The following AASS variants were observed in gnomAD, a reference collection of about 807,000 sequenced individuals.
AASS encodes aminoadipate-semialdehyde synthase, also known as alpha-aminoadipic semialdehyde synthase, mitochondrial.
AASS carries 86 observed loss-of-function variants against 105.4 expected under a neutral mutation model. The ratio of observed to expected loss-of-function variants is 0.82; its 90% confidence interval spans 0.69 to 0.98. AASS has a LOEUF of 0.98. AASS is among the 50% of genes least tolerant of loss of function. AASS has a pLI of 0.00. For missense variants in AASS, 1,048 were observed against 1,143.2 expected (o/e 0.92, Z 1.20); for synonymous variants, 381 against 394.8 (o/e 0.96, Z 0.41).
intron 11 of AASS, among the ~76,000 whole-genome samples, chr7:122,112,808 A>T (rs1376339260): frequency 6.6e-6 from 1 of 152,212 alleles, no homozygotes; most frequent in Admixed American, 6.5e-5. Context: ...ATGAACTGAC[A>T]TAGATGGCAA....
chr7:122,077,897 G>A lies in AASS; in HGVS notation c.2603C>T (p.Ser868Leu). Residue 868 changes from serine (S) to leucine (L), a missense_variant, in exon 23 of 24, where the codon TCA becomes TTA. Coordinates refer to ENST00000417368, the MANE Select transcript of AASS (RefSeq NM_005763.4). ...TAACCCCACGGTTTTAGCCATGGCT[G>A]AAAAGCCATTGATGTCCCCATAAGC... The part of the protein sequence containing the change: ...LVAYGDINGF[S>L]AMAKTVGLPT... The A allele has an allele frequency of 1.2e-6, 2 of 1,614,158 alleles. No homozygotes were observed. Among genetic ancestry groups the A allele is most frequent in the African/African-American group, 1.3e-5 (1 of 75,040 alleles).
At chr7:122,086,606 T>C (rs1051787889) in intron 18 of AASS, among the ~76,000 whole-genome samples, 1 of 151,764 alleles carries the variant, frequency 6.6e-6, no homozygotes, top group African/African-American at 2.4e-5. Flanking sequence ...AATTATTTTA[T>C]ATAAAAATGT....
chr7:122,112,665 T>C (rs996091379), intron 11 of AASS, among the ~76,000 whole-genome samples: 3 of 152,144 alleles, frequency 2.0e-5, no homozygotes, highest in Non-Finnish European at 2.9e-5. Context: ...AGCTAATCAA[T>C]GATCACAGAA....
Position 122,102,574 on chromosome 7 carries a change from T to A in AASS, c.1279-894A>T, listed in dbSNP as rs60926100. Among the ~76,000 whole-genome samples the A allele has an allele frequency of 4.1e-3, 627 of 152,082 alleles. 7 individuals carry two copies. Among genetic ancestry groups the A allele is most frequent in the African/African-American group, 0.014 (597 of 41,544 alleles). On this transcript the variant is annotated intron_variant, in intron 11 of 23. Coordinates refer to ENST00000417368, the MANE Select transcript of AASS (RefSeq NM_005763.4). ...GAAAAATGTTCCTAGAAGGTGCTGG[T>A]AACAGAGAATTTATTTACTGTATTA...
At chr7:122,114,672 C>T (rs1417125913) in intron 9 of AASS, among the ~76,000 whole-genome samples, 1 of 152,124 alleles carries the variant, frequency 6.6e-6, no homozygotes, top group South Asian at 2.1e-4. Context: ...AATGGAGAAA[C>T]AAGAGAAGAC....
intron 2 of AASS, among the ~76,000 whole-genome samples, chr7:122,132,767 C>T (rs1795968191): frequency 6.6e-6 from 1 of 152,110 alleles, no homozygotes; most frequent in Non-Finnish European, 1.5e-5. Flanking sequence ...AGTAGCAGGA[C>T]ACTCTGTAAG....
chr7:122,110,766 AGATATATATATAT>A (rs1445155340), intron 11 of AASS, among the ~76,000 whole-genome samples: 1 of 151,802 alleles, frequency 6.6e-6, no homozygotes, highest in African/African-American at 2.4e-5. Context: ...AATAATGTGG[AGATATATATATAT>A]ATATATCTCC....
Position 122,098,735 on chromosome 7 carries a change from G to T in AASS, c.1528+10C>A. ...ACATTTTTCTTCTTCAAAAATTAGG[G>T]CTTATTTACCTACTGTTATTTCTAT... On this transcript the variant is annotated intron_variant, in intron 14 of 23. Transcript: ENST00000417368. 1 of 1,605,636 alleles carries T rather than the reference G, an allele frequency of 6.2e-7. No individual in the cohort carries two copies.
chr7:122,092,860 T>G lies in AASS; in HGVS notation c.1858A>C (p.Lys620Gln). The G allele has an allele frequency of 6.2e-7, 1 of 1,613,958 alleles. No individual in the cohort carries two copies. Among genetic ancestry groups the G allele is most frequent in the Non-Finnish European group, 8.5e-7 (1 of 1,179,874 alleles). Residue 620 changes from lysine to glutamine, a missense_variant, in exon 17 of 24, where the codon AAG becomes CAG. By Grantham distance (53) the Lys-to-Gln change is moderately conservative. Transcript: ENST00000417368. The part of the protein sequence containing the change: ...MLAMETIDKA[K>Q]EVGATIESYI... ...GGGCTCACCGTGGCTCCCACTTCCTTGGCTTTATCTATTGTTTCCATTGCT... is the reference window on the plus strand; with the variant it reads ...GGGCTCACCGTGGCTCCCACTTCCTGGGCTTTATCTATTGTTTCCATTGCT...
chr7:122,113,492 T>TC, intron 10 of AASS, 106 bp downstream of exon 10: 1 of 1,443,112 alleles, frequency 6.9e-7, no homozygotes, highest in Non-Finnish European at 9.6e-7. Flanking sequence ...AGTATATCTC[T>TC]CCAAATTTTC....
chr7:122,078,603 C>A (rs1341481487), intron 22 of AASS, among the ~76,000 whole-genome samples: 1 of 152,026 alleles, frequency 6.6e-6, no homozygotes, highest in African/African-American at 2.4e-5. Flanking sequence ...GCGTGAGACA[C>A]CGTCTCAAAA....
intron 5 of AASS, 35 bp from the exon 6 acceptor site, chr7:122,118,488 C>T: frequency 6.2e-7 from 1 of 1,614,102 alleles, no homozygotes; most frequent in Non-Finnish European, 8.5e-7. Context: ...AGTTAGTCCA[C>T]CAGCTCAGCA....
chr7:122,124,243 C>T (rs1485512243), intron 4 of AASS, among the ~76,000 whole-genome samples: 1 of 152,046 alleles, frequency 6.6e-6, no homozygotes, highest in Non-Finnish European at 1.5e-5. Flanking sequence ...TTTGCAACAG[C>T]CAAGTTCAAA....
rs2150503881 is a variant in AASS, at chr7:122,073,738, C to T, written c.*2751G>A. On this transcript the variant is annotated 3_prime_UTR_variant, in exon 24 of 24. Transcript: ENST00000417368. Reference sequence around the variant, plus strand: ...ACTAATTAGCAGTCACCCCTTTGTCCTCCCCAACCCTTCAGCCTAAGCAAC... The same window carrying T: ...ACTAATTAGCAGTCACCCCTTTGTCTTCCCCAACCCTTCAGCCTAAGCAAC... Among the ~76,000 whole-genome samples, 2 of 152,248 alleles carry T rather than the reference C, an allele frequency of 1.3e-5. No homozygotes were observed. The highest frequency in any genetic ancestry group is 6.8e-3 in the Middle Eastern group (2 of 294).
intron 15 of AASS, among the ~76,000 whole-genome samples, chr7:122,096,828 A>T (rs1794177423): frequency 6.6e-6 from 1 of 152,044 alleles, no homozygotes; most frequent in South Asian, 2.1e-4. Flanking sequence ...TTTGTCCATT[A>T]TCTTGTCACA....
chr7:122,116,572 A>G, intron 8 of AASS, 61 bp downstream of exon 8: 1 of 1,606,982 alleles, frequency 6.2e-7, no homozygotes, highest in Non-Finnish European at 8.5e-7. Flanking sequence ...TCTCTCCTTG[A>G]AAATAGCCTA....
At chr7:122,118,082 TACACATACACACACACATATATATACAC>T (rs1197362761) in intron 6 of AASS, among the ~76,000 whole-genome samples, 197 bp downstream of exon 6, 3 of 152,032 alleles carry the variant, frequency 2.0e-5, no homozygotes, top group Non-Finnish European at 2.9e-5. Context: ...CATATACACT[TACACATACACACACACATATATATACAC>T]ACACATACAC....
intron 19 of AASS, 94 bp downstream of exon 19, chr7:122,085,918 C>A: frequency 7.0e-7 from 1 of 1,420,360 alleles, no homozygotes; most frequent in Non-Finnish European, 9.9e-7. Flanking sequence ...CTTGGTTTAT[C>A]ATCTTAATTA....
intron 3 of AASS, among the ~76,000 whole-genome samples, chr7:122,127,620 C>CT (rs1481455765): frequency 3.9e-5 from 6 of 152,254 alleles, no homozygotes; most frequent in Non-Finnish European, 8.8e-5. Context: ...TACAAATTAA[C>CT]TGTCACCCTG....
Sources: gnomAD v4.1 joint callset for allele counts (sites outside exome capture counted in the v4.1 genomes callset) on GRCh38, gnomAD v4.1.1 for gene constraint, MANE v1.5 for transcripts, NCBI Gene and HGNC (gene_info 2026-07-23, HGNC 2026-07-21) for gene names.